Variants in TMEM266 observed in about 807,000 individuals in gnomAD.
TMEM266 encodes the protein Hv1 related protein 1.
TMEM266 carries 33 observed loss-of-function variants against 50.5 expected under a neutral mutation model. That is an observed-to-expected ratio of 0.65 (90% CI 0.50 to 0.87). The LOEUF is 0.87. Among genes scored for constraint, TMEM266 ranks in the 40% least tolerant of loss-of-function variants. The pLI is 0.00. For synonymous variants in TMEM266, 310 were observed against 292.3 expected (o/e 1.06, Z -0.62); for missense variants, 655 against 695.1 (o/e 0.94, Z 0.65).
intron 10 of TMEM266, 90 bp downstream of exon 10, chr15:76,202,354 C>T: frequency 8.7e-7 from 1 of 1,154,466 alleles, no homozygotes; most frequent in South Asian, 1.5e-5. Context: ...AAAGCATGCC[C>T]ATCACCTGGT....
At chr15:76,132,717 C>T (rs1335179362) in intron 1 of TMEM266, among the ~76,000 whole-genome samples, 1 of 151,516 alleles carries the variant, frequency 6.6e-6, no homozygotes. Flanking sequence ...ATCACTTTAA[C>T]CCAGGAGGTG....
intron 1 of TMEM266, among the ~76,000 whole-genome samples, chr15:76,067,387 A>G (rs567275115): frequency 6.6e-6 from 1 of 152,206 alleles, no homozygotes; most frequent in East Asian, 1.9e-4. Flanking sequence ...TCACGCCTAT[A>G]ATCTCAGCAC....
intron 5 of TMEM266, among the ~76,000 whole-genome samples, chr15:76,167,838 A>G (rs955043056): frequency 4.6e-5 from 7 of 151,726 alleles, no homozygotes; most frequent in Non-Finnish European, 7.3e-5. Context: ...TACACTCTGC[A>G]GAACCAGAAA....
chr15:76,120,462 A>C (rs2037323145), intron 1 of TMEM266, among the ~76,000 whole-genome samples: 1 of 151,898 alleles, frequency 6.6e-6, no homozygotes, highest in Non-Finnish European at 1.5e-5. Context: ...AAGCACAAAG[A>C]AAAGTAAGGA....
chr15:76,099,207 G>A (rs35783418), intron 1 of TMEM266, among the ~76,000 whole-genome samples: 34,731 of 152,218 alleles, frequency 0.23, 4,358 homozygotes, highest in Non-Finnish European at 0.27. Context: ...CCAGGGCCCT[G>A]CTGGGGAAGG....
chr15:76,092,667 G>C (rs4886473), intron 1 of TMEM266, among the ~76,000 whole-genome samples: 1 of 151,220 alleles, frequency 6.6e-6, no homozygotes, highest in Non-Finnish European at 1.5e-5. Context: ...TTCAGCCTGG[G>C]CAACAGAGCA....
intron 1 of TMEM266, among the ~76,000 whole-genome samples, chr15:76,084,601 T>TA (rs2036745493): frequency 1.3e-5 from 2 of 148,174 alleles, no homozygotes; most frequent in Non-Finnish European, 3.0e-5. Context: ...TTTTTTGGTT[T>TA]TTTTTTTTTT....
chr15:76,169,752 T>C (rs1260585545), intron 5 of TMEM266, 64 bp from the exon 6 acceptor site: 1 of 1,541,468 alleles, frequency 6.5e-7, no homozygotes, highest in Non-Finnish European at 9.0e-7. Flanking sequence ...AGTGCTGAGC[T>C]CTGGAATCTT....
intron 7 of TMEM266, among the ~76,000 whole-genome samples, chr15:76,173,598 A>G (rs1275616724): frequency 6.6e-6 from 1 of 152,206 alleles, no homozygotes; most frequent in Non-Finnish European, 1.5e-5. Context: ...ACAGAGACTC[A>G]GAATAACAGT....
chr15:76,154,896 TCTC>T lies in TMEM266; in HGVS notation c.228-1705_228-1703del, dbSNP rs1596139241. Among the ~76,000 whole-genome samples, 3 of 152,276 alleles carry T rather than the reference TCTC, an allele frequency of 2.0e-5. No homozygotes were observed. In the South Asian group the frequency reaches 6.2e-4, roughly 32 times the overall value. On this transcript the variant is annotated intron_variant, in intron 3 of 10. Transcript: ENST00000388942. ...CCCTGGATGGACTGTGAGGAAGAAG[TCTC>T]CTTGAAGCATTCACATTATTCCTTC...
chr15:76,121,684 TG>T lies in TMEM266; in HGVS notation c.-96-12481del, dbSNP rs1315718678. 2.0e-5 allele frequency among the ~76,000 whole-genome samples: 3 copies of T among 152,352 alleles called. No individual in the cohort carries two copies. In the East Asian group the frequency reaches 5.8e-4, roughly 29 times the overall value. Reference sequence around the variant, plus strand: ...CGCCTGCCTCGGCCTCCCAAAGTGCTGGGATTACAGGCATGAGCCACCACAC... The same window carrying T: ...CGCCTGCCTCGGCCTCCCAAAGTGCTGGATTACAGGCATGAGCCACCACAC... On this transcript the variant is annotated intron_variant, in intron 1 of 10. Transcript: ENST00000388942.
chr15:76,072,372 A>T (rs920772229), intron 1 of TMEM266, among the ~76,000 whole-genome samples: 3 of 138,322 alleles, frequency 2.2e-5, no homozygotes, highest in African/African-American at 8.1e-5. Flanking sequence ...TGGGAGGTGG[A>T]GGTTGCGGTG....
intron 9 of TMEM266, among the ~76,000 whole-genome samples, chr15:76,200,036 G>A (rs1025414323): frequency 7.9e-5 from 12 of 152,164 alleles, no homozygotes; most frequent in Admixed American, 1.3e-4. Context: ...CTAATGGGCC[G>A]TTTGACCAGG....
At chr15:76,060,188 G>C (rs1316028254) in intron 1 of TMEM266, among the ~76,000 whole-genome samples, 172 bp downstream of exon 1, 2 of 151,984 alleles carry the variant, frequency 1.3e-5, no homozygotes, top group East Asian at 3.9e-4. Flanking sequence ...CCAGGCGAGG[G>C]TGCGTGGGGC....
rs1357063628 is a variant in TMEM266, at chr15:76,139,217, C to G, written c.227+1322C>G. Among the ~76,000 whole-genome samples, 11 of 152,202 alleles carry G rather than the reference C, an allele frequency of 7.2e-5. No homozygotes were observed. The highest frequency in any genetic ancestry group is 1.5e-4 in the Non-Finnish European group (10 of 68,042). ...TGGGCTTGTTTCTGGAAGGAGCTTC[C>G]CACTTCCTGAGATAAACCGCCTAAC... On this transcript the variant is annotated intron_variant, in intron 3 of 10. Coordinates refer to ENST00000388942, the MANE Select transcript of TMEM266 (RefSeq NM_152335.3). This position sits in a 1 kb window ranked among gnomAD's most constrained non-coding sequence, Gnocchi z 4.1.
At position 76,202,131 on chromosome 15, in the gene TMEM266, G is replaced by T; in HGVS notation, c.959-71G>T. 4 of 1,312,782 alleles carry T rather than the reference G, an allele frequency of 3.0e-6. No homozygotes were observed. The South Asian group carries it at 5.6e-5, about 18-fold the overall frequency. 81.3% of individuals were successfully genotyped at this position (1,312,782 alleles called of 1,614,324 possible). ...GCTGCCTTCTCTTGTGACCGTGGGG[G>T]TGGGGACAGGAGTATAAGGGGTAGA... is the stretch of plus-strand genomic sequence containing the variant. On this transcript the variant is annotated intron_variant, in intron 9 of 10. Coordinates refer to ENST00000388942, the MANE Select transcript of TMEM266 (RefSeq NM_152335.3).
At chr15:76,108,369 G>A (rs753557185) in intron 1 of TMEM266, among the ~76,000 whole-genome samples, 1 of 152,222 alleles carries the variant, frequency 6.6e-6, no homozygotes, top group Non-Finnish European at 1.5e-5. Flanking sequence ...CACAAGAAAT[G>A]TCATAGATTG....
At chr15:76,137,381 C>G (rs1054357248) in intron 2 of TMEM266, among the ~76,000 whole-genome samples, 3 of 152,200 alleles carry the variant, frequency 2.0e-5, no homozygotes, top group Non-Finnish European at 4.4e-5. Context: ...AAGTCTAAGC[C>G]ATAGTTTTGC....
At chr15:76,192,448 G>A (rs936631312) in intron 9 of TMEM266, among the ~76,000 whole-genome samples, 1 of 152,232 alleles carries the variant, frequency 6.6e-6, no homozygotes, top group Non-Finnish European at 1.5e-5. Flanking sequence ...TGTCCTCGCG[G>A]TAGCCGGAGG....
Sources: allele counts gnomAD v4.1 joint callset (sites outside exome capture counted in the v4.1 genomes callset), GRCh38; gene constraint gnomAD v4.1.1; non-coding constraint Gnocchi (gnomAD v3.1); transcripts MANE v1.5; gene names NCBI Gene and HGNC (gene_info 2026-07-23, HGNC 2026-07-21).